CFAP47: variants seen among roughly 807,000 people sequenced by gnomAD.
The protein encoded by CFAP47 is cilia- and flagella-associated protein 47.
Under a neutral mutation model 148.1 loss-of-function variants are expected in CFAP47, and 29 were observed. The observed-to-expected ratio is 0.20, with a 90% CI of 0.15 to 0.27. The LOEUF (loss-of-function observed/expected upper bound fraction) is 0.27. CFAP47 is among the 10% of genes least tolerant of loss of function. The pLI is 1.00. For missense variants in CFAP47, 1,872 were observed against 1,697.5 expected (o/e 1.10, Z -1.81); for synonymous variants, 664 against 577.3 (o/e 1.15, Z -2.15).
chrX:36,312,947 C>T (rs1328832662), intron 56 of CFAP47, among the ~76,000 whole-genome samples: 1 of 110,760 alleles, frequency 9.0e-6, no homozygotes, highest in African/African-American at 3.3e-5. Flanking sequence ...CTTCTTTCCC[C>T]GTTGTTGCTG....
intron 61 of CFAP47, among the ~76,000 whole-genome samples, chrX:36,362,238 G>A (rs1941834634): frequency 8.9e-6 from 1 of 112,344 alleles, no homozygotes; most frequent in African/African-American, 3.2e-5. Context: ...GATACAGGAA[G>A]TATATTTGTA....
chrX:36,230,234 A>G (rs1336176771), intron 46 of CFAP47, among the ~76,000 whole-genome samples: 3 of 102,099 alleles, frequency 2.9e-5, no homozygotes, highest in African/African-American at 1.1e-4. Flanking sequence ...CCAACAGTGT[A>G]AAAGTGTTCC....
At position 36,094,125 on chromosome X, in the gene CFAP47, T is replaced by A. The variant is rs1392767340; in HGVS notation, c.4917-4668T>A. 8.1e-5 allele frequency among the ~76,000 whole-genome samples: 9 copies of A among 111,333 alleles called. No homozygotes were observed. The East Asian group carries it at 2.2e-3, about 28-fold the overall frequency. On this transcript the variant is annotated intron_variant, in intron 30 of 63. Transcript: ENST00000378653. Reference sequence around the variant, plus strand: ...TTTTCCCAGTACCATTTGTTGACAATACTGTCTTTTCCCCAGTGTGTGTTC... The same window carrying A: ...TTTTCCCAGTACCATTTGTTGACAAAACTGTCTTTTCCCCAGTGTGTGTTC...
At chrX:36,019,893 T>C (rs1937138594) in intron 22 of CFAP47, among the ~76,000 whole-genome samples, 1 of 112,119 alleles carries the variant, frequency 8.9e-6, no homozygotes, top group East Asian at 2.8e-4. Context: ...CAACTTTTCA[T>C]TTCATTGATC....
intron 3 of CFAP47, among the ~76,000 whole-genome samples, chrX:35,942,152 A>G (rs1392595979): frequency 1.8e-5 from 2 of 110,938 alleles, no homozygotes; most frequent in African/African-American, 6.5e-5. Flanking sequence ...GTGGGGTTGC[A>G]AGATTGCCAT....
At chrX:35,920,143 G>A in intron 1 of CFAP47, 95 bp downstream of exon 1, 1 of 980,282 alleles carries the variant, frequency 1.0e-6, no homozygotes, top group African/African-American at 1.9e-5. Context: ...TCTGGCTCCT[G>A]CCGGGATGGA....
intron 2 of CFAP47, among the ~76,000 whole-genome samples, chrX:35,939,275 A>AT (rs1215522183): frequency 1.8e-5 from 2 of 108,776 alleles, no homozygotes. Flanking sequence ...TATTGTCCTT[A>AT]TTTTTTTTAA....
At chrX:36,164,737 A>G (rs1939469436) in intron 39 of CFAP47, among the ~76,000 whole-genome samples, 1 of 111,509 alleles carries the variant, frequency 9.0e-6, no homozygotes, top group South Asian at 3.7e-4. Context: ...AGAAATTTCC[A>G]ACACCTCCCA....
rs766775272 is a variant in CFAP47, at chrX:35,948,401, T to C, written c.605T>C (p.Ile202Thr). 7 of 1,203,504 alleles carry C rather than the reference T, an allele frequency of 5.8e-6. No individual in the cohort carries two copies. The highest frequency in any genetic ancestry group is 7.9e-6 in the Non-Finnish European group (7 of 887,925). The change falls in exon 4 of 64, where the codon ATT (isoleucine) becomes ACT (threonine). Residue 202 changes from isoleucine (I) to threonine (T), a missense_variant. Ile to Thr is a moderately conservative substitution (Grantham distance 89). Transcript: ENST00000378653. ...GIVDAKSSMV[I>T]KVDFCADQPR... ...GTGGATGCTAAGTCATCAATGGTTA[T>C]TAAAGTAGATTTCTGTGCAGACCAG...
intron 1 of CFAP47, among the ~76,000 whole-genome samples, chrX:35,923,979 G>GTA (rs1258224393): frequency 1.0e-5 from 1 of 97,971 alleles, no homozygotes; most frequent in East Asian, 3.1e-4. Context: ...GTATGTATGT[G>GTA]TATATATGTA....
chrX:36,069,341 T>G (rs1480280916), intron 27 of CFAP47, among the ~76,000 whole-genome samples: 1 of 111,356 alleles, frequency 9.0e-6, no homozygotes, highest in Non-Finnish European at 1.9e-5. Flanking sequence ...TGTGATTGCT[T>G]TATCATTTTT....
intron 63 of CFAP47, among the ~76,000 whole-genome samples, chrX:36,381,099 T>A (rs1942074227): frequency 8.9e-6 from 1 of 112,026 alleles, no homozygotes; most frequent in East Asian, 2.8e-4. Context: ...TAATTCTACT[T>A]TTATTATTGA....
intron 26 of CFAP47, among the ~76,000 whole-genome samples, chrX:36,051,934 C>A (rs193063177): frequency 9.0e-6 from 1 of 111,143 alleles, no homozygotes; most frequent in East Asian, 2.8e-4. Flanking sequence ...CTCACAAGAC[C>A]TGATGGTTTT....
chrX:36,251,867 T>A (rs191586604), intron 49 of CFAP47, among the ~76,000 whole-genome samples: 2 of 111,734 alleles, frequency 1.8e-5, no homozygotes, highest in East Asian at 5.6e-4. Flanking sequence ...GTTTGATATA[T>A]GTGAATTTTT....
chrX:36,237,578 C>A (rs1157098526), intron 48 of CFAP47, among the ~76,000 whole-genome samples: 4 of 112,005 alleles, frequency 3.6e-5, no homozygotes, highest in Non-Finnish European at 5.6e-5. Context: ...TATCCACCCA[C>A]CTTGGCCTCC....
intron 22 of CFAP47, among the ~76,000 whole-genome samples, chrX:36,027,621 A>T (rs182520247): frequency 1.8e-5 from 2 of 110,468 alleles, no homozygotes; most frequent in African/African-American, 6.6e-5. Flanking sequence ...TTTATCCAAC[A>T]TGTGCAGGTG....
intron 62 of CFAP47, among the ~76,000 whole-genome samples, chrX:36,379,045 C>A (rs1942051912): frequency 8.9e-6 from 1 of 112,288 alleles, no homozygotes; most frequent in Non-Finnish European, 1.9e-5. Context: ...CTCCTGACCT[C>A]AGGTGATCCA....
At position 35,970,915 on chromosome X, in the gene CFAP47, A is replaced by G; in HGVS notation, c.1962A>G (p.Gln654=). 1 of 1,193,682 alleles carries G rather than the reference A, an allele frequency of 8.4e-7. No homozygotes were observed. Among genetic ancestry groups the G allele is most frequent in the Non-Finnish European group, 1.1e-6 (1 of 887,457 alleles). The change falls in exon 11 of 64, where the codon CAA becomes CAG. Residue 654 remains glutamine (Q), a synonymous_variant. Coordinates refer to ENST00000378653, the MANE Select transcript of CFAP47 (RefSeq NM_001304548.2). ...GAAGTGTGCGCTTGCAGAAGAAACA[A>G]GCAGAGAGGTAATGTTCAGTTCCTC... is the stretch of plus-strand genomic sequence containing the variant. ...YLRSVRLQKK[Q]AERERMYSYD... is the part of the protein sequence containing the mutation.
At chrX:35,940,265 A>G (rs1379742680) in intron 2 of CFAP47, among the ~76,000 whole-genome samples, 2 of 111,190 alleles carry the variant, frequency 1.8e-5, no homozygotes, top group South Asian at 3.8e-4. Flanking sequence ...CTCTGATGGT[A>G]GTTTCTTCTG....
Sources: allele counts gnomAD v4.1 joint callset (sites outside exome capture counted in the v4.1 genomes callset), GRCh38; gene constraint gnomAD v4.1.1; transcripts MANE v1.5; gene names NCBI Gene and HGNC (gene_info 2026-07-23, HGNC 2026-07-21).